TCF3: variants seen among roughly 807,000 people sequenced by gnomAD.
TCF3 encodes the protein transcription factor E2-alpha.
A neutral mutation model predicts 72.3 loss-of-function variants in TCF3; 54 were observed. The ratio of observed to expected loss-of-function variants is 0.75; its 90% confidence interval spans 0.60 to 0.94. The LOEUF (loss-of-function observed/expected upper bound fraction) is 0.94. Among genes scored for constraint, TCF3 ranks in the 40% least tolerant of loss-of-function variants. The probability of loss-of-function intolerance (pLI) is 0.00; values close to 1 mark genes in which losing one functional copy is unlikely to be tolerated. For missense variants in TCF3, 1,078 were observed against 934.4 expected (o/e 1.15, Z -2.00); for synonymous variants, 525 against 412.6 (o/e 1.27, Z -3.30).
chr19:1,638,660 G>A (rs1399979263), intron 3 of TCF3, among the ~76,000 whole-genome samples: 1 of 152,234 alleles, frequency 6.6e-6, no homozygotes, highest in African/African-American at 2.4e-5. Context: ...GACGTTGAGA[G>A]CGCGAGAAAC....
rs145069211 is a variant in TCF3, at chr19:1,639,072, C to G, written c.146-6667G>C. On this transcript the variant is annotated intron_variant, in intron 3 of 18. Coordinates refer to ENST00000262965, the MANE Select transcript of TCF3 (RefSeq NM_003200.5). ...GAGGTTTCTTTTTCTGAGACAGAGTCTCGCTGTGTCGCCCAGGGTGGAGTG... is the reference window on the plus strand; with the variant it reads ...GAGGTTTCTTTTTCTGAGACAGAGTGTCGCTGTGTCGCCCAGGGTGGAGTG... Among the ~76,000 whole-genome samples, 562 of 152,334 alleles carry G rather than the reference C, an allele frequency of 3.7e-3. 3 individuals carry two copies. The highest frequency in any genetic ancestry group is 0.013 in the African/African-American group (527 of 41,568).
chr19:1,642,201 G>C (rs2065383481), intron 3 of TCF3, among the ~76,000 whole-genome samples: 1 of 144,000 alleles, frequency 6.9e-6, no homozygotes, highest in Non-Finnish European at 1.5e-5. Flanking sequence ...CACAGACGCA[G>C]ACACGCACAC....
intron 3 of TCF3, among the ~76,000 whole-genome samples, chr19:1,640,440 C>T (rs972292022): frequency 2.0e-5 from 3 of 152,096 alleles, no homozygotes; most frequent in African/African-American, 4.8e-5. Context: ...CAGTAAAATA[C>T]GGTAATAATT....
intron 2 of TCF3, among the ~76,000 whole-genome samples, chr19:1,647,466 G>T (rs1407752653): frequency 6.6e-6 from 1 of 152,234 alleles, no homozygotes; most frequent in Non-Finnish European, 1.5e-5. Flanking sequence ...GGGGACCCAG[G>T]AAGCGGGGTT....
chr19:1,640,000 C>A (rs1484300914), intron 3 of TCF3, among the ~76,000 whole-genome samples: 1 of 152,068 alleles, frequency 6.6e-6, no homozygotes. Context: ...GAAGCAGATT[C>A]TCCAGAAGAA....
intron 3 of TCF3, among the ~76,000 whole-genome samples, chr19:1,636,881 C>T (rs1052753409): frequency 6.6e-6 from 1 of 152,210 alleles, no homozygotes; most frequent in Non-Finnish European, 1.5e-5. Context: ...ACAGCAGGGC[C>T]CTGTGGCCCG....
intron 3 of TCF3, among the ~76,000 whole-genome samples, chr19:1,645,135 C>T (rs1015268036): frequency 6.6e-6 from 1 of 152,076 alleles, no homozygotes; most frequent in East Asian, 1.9e-4. Flanking sequence ...GTACAGAACC[C>T]CCTTTGCCCA....
intron 1 of TCF3, chr19:1,651,252 T>A (rs1411226067): frequency 8.9e-6 from 2 of 225,896 alleles, no homozygotes; most frequent in African/African-American, 4.5e-5. Context: ...GGTCCCCAGG[T>A]GGGGACGGGG....
At chr19:1,627,452 G>A in intron 5 of TCF3, 26 bp from the exon 6 acceptor site, 1 of 1,609,566 alleles carries the variant, frequency 6.2e-7, no homozygotes, top group Non-Finnish European at 8.5e-7. Context: ...GAAGGTTAGT[G>A]GGAGGCGACC....
chr19:1,622,561 T>A lies in TCF3; in HGVS notation c.550-146A>T, dbSNP rs11879446. 3.0e-3 allele frequency: 1,567 copies of A among 517,720 alleles called. 23 individuals carry two copies. The highest frequency in any genetic ancestry group is 0.028 in the African/African-American group (1,422 of 50,714). The allele number at this position is 517,720 out of a possible 1,614,324, so 32.1% of individuals were successfully genotyped here. ...GTAAAGCCACCCCCCTTTAGGTAAA[T>A]CCCAGCCCCTGGCCAAGTTTGAGGT... is the stretch of plus-strand genomic sequence containing the variant. On this transcript the variant is annotated intron_variant, in intron 8 of 18. Coordinates refer to ENST00000262965, the MANE Select transcript of TCF3 (RefSeq NM_003200.5).
chr19:1,638,364 T>C (rs2064758377), intron 3 of TCF3, among the ~76,000 whole-genome samples: 1 of 152,196 alleles, frequency 6.6e-6, no homozygotes, highest in African/African-American at 2.4e-5. Flanking sequence ...CAATGTTTTT[T>C]TGTTTTTTTT....
chr19:1,646,332 C>T (rs766173327), intron 3 of TCF3, 23 bp downstream of exon 3: 1 of 1,549,604 alleles, frequency 6.5e-7, no homozygotes, highest in African/African-American at 1.4e-5. Context: ...TCCACGAGCG[C>T]TGGCAGGAAG....
intron 7 of TCF3, among the ~76,000 whole-genome samples, chr19:1,625,188 G>C (rs1161440978): frequency 1.3e-5 from 2 of 152,238 alleles, no homozygotes; most frequent in Non-Finnish European, 2.9e-5. Context: ...TCAAGGCGCC[G>C]TCCAGTGCTC....
Position 1,619,809 on chromosome 19 carries a change from G to C in TCF3, c.1138C>G (p.Pro380Ala). The change falls in exon 14 of 19, where the codon CCC becomes GCC. Residue 380 changes from proline to alanine, a missense_variant. Transcript: ENST00000262965. ...PRAGAPGALS[P>A]SYDGGLHGLQ... Reference sequence around the variant, plus strand: ...CCGTGGAGACCCCCGTCGTAGCTGGGCGATAAGGCACCGGGGGCTCCTGCT... The same window carrying C: ...CCGTGGAGACCCCCGTCGTAGCTGGCCGATAAGGCACCGGGGGCTCCTGCT... 4 of 1,571,262 alleles carry C rather than the reference G, an allele frequency of 2.5e-6. No homozygotes were observed. Among genetic ancestry groups the C allele is most frequent in the Non-Finnish European group, 3.5e-6 (4 of 1,159,192 alleles).
Position 1,623,940 on chromosome 19 carries a change from G to A in TCF3, c.549+11C>T, listed in dbSNP as rs780383072. 1.1e-5 allele frequency: 17 copies of A among 1,612,964 alleles called. No homozygotes were observed. Among genetic ancestry groups the A allele is most frequent in the Admixed American group, 3.3e-5 (2 of 59,964 alleles). ...CGAGCTGTGGGGTCCCTTCTCCCTC[G>A]TGCGACTCACCGAGGATGGAAGACC... is the stretch of plus-strand genomic sequence containing the variant. On this transcript the variant is annotated intron_variant, in intron 8 of 18. Coordinates refer to ENST00000262965, the MANE Select transcript of TCF3 (RefSeq NM_003200.5).
chr19:1,617,593 G>A (rs1465467203), intron 16 of TCF3, among the ~76,000 whole-genome samples: 2 of 152,238 alleles, frequency 1.3e-5, no homozygotes, highest in Non-Finnish European at 2.9e-5. Flanking sequence ...CCCGTACCCT[G>A]AGGGGGAGCC....
chr19:1,638,933 A>C (rs996001340), intron 3 of TCF3, among the ~76,000 whole-genome samples: 5 of 152,262 alleles, frequency 3.3e-5, no homozygotes, highest in African/African-American at 1.2e-4. Flanking sequence ...TGCCGACCAA[A>C]GACAGTTTTG....
In TCF3 at chr19:1,652,550, G is replaced by C. The variant is rs1453175854; in HGVS notation, c.-290C>G. 2 of 145,316 alleles carry C rather than the reference G, an allele frequency of 1.4e-5. No homozygotes were observed. The highest frequency in any genetic ancestry group is 2.5e-5 in the African/African-American group (1 of 40,404). The allele number at this position is 145,316 out of a possible 1,614,324, so 9.0% of individuals were successfully genotyped here. ...GCCCGCGGTGCCCGCCGCCGCGTCG[G>C]CTCCGGCCCGCTACGCCCGCAGCCG... On this transcript the variant is annotated 5_prime_UTR_variant, in exon 1 of 19. Transcript: ENST00000262965.
chr19:1,627,284 T>A (rs1260298114), intron 6 of TCF3, 75 bp downstream of exon 6: 2 of 1,332,112 alleles, frequency 1.5e-6, no homozygotes, highest in Non-Finnish European at 2.1e-6. Flanking sequence ...CAGGAGAGCT[T>A]CTGCAGATCA....
Sources: allele counts gnomAD v4.1 joint callset (sites outside exome capture counted in the v4.1 genomes callset), GRCh38; gene constraint gnomAD v4.1.1; transcripts MANE v1.5; gene names NCBI Gene and HGNC (gene_info 2026-07-23, HGNC 2026-07-21).